VSX1: variants seen among roughly 807,000 people sequenced by gnomAD.
The protein encoded by VSX1 is visual system homeobox 1.
VSX1 carries 23 observed loss-of-function variants against 23.6 expected under a neutral mutation model. The ratio of observed to expected loss-of-function variants is 0.97; its 90% CI spans 0.70 to 1.38. The LOEUF (loss-of-function observed/expected upper bound fraction) is 1.38, where lower values mean the gene tolerates loss of function less well. Ranked by LOEUF, VSX1 falls within the 40% of genes most tolerant of loss-of-function variation. VSX1 has a pLI of 0.00. For missense variants in VSX1, 517 were observed against 495.4 expected (o/e 1.04, Z -0.41); for synonymous variants, 247 against 215.1 (o/e 1.15, Z -1.30).
At chr20:25,073,911 A>G (rs2089434225), downstream of VSX1, among the ~76,000 whole-genome samples, 1 of 152,066 alleles carries the variant, frequency 6.6e-6, no homozygotes, top group Non-Finnish European at 1.5e-5. Context: ...AGCCAGGGAG[A>G]GAGCAGCCCA....
At chr20:25,073,410 C>T (rs779900060), downstream of VSX1, among the ~76,000 whole-genome samples, 1 of 152,092 alleles carries the variant, frequency 6.6e-6, no homozygotes, top group Non-Finnish European at 1.5e-5. Flanking sequence ...CTTAATATCA[C>T]ACACGCACTA....
intron 1 of VSX1, 102 bp from the exon 2 acceptor site, chr20:25,079,616 T>C: frequency 7.7e-7 from 1 of 1,294,214 alleles, no homozygotes; most frequent in South Asian, 1.3e-5. Flanking sequence ...CTTGGGTACT[T>C]AAGTAGTTTA....
intron 1 of VSX1, among the ~76,000 whole-genome samples, chr20:25,081,284 G>A (rs1438790114): frequency 6.6e-6 from 1 of 152,246 alleles, no homozygotes; most frequent in Non-Finnish European, 1.5e-5. Flanking sequence ...CGGTGCTGCT[G>A]GTGACCACCA....
At chr20:25,081,491 G>T (rs2089640897) in intron 1 of VSX1, 182 bp downstream of exon 1, 1 of 927,182 alleles carries the variant, frequency 1.1e-6, no homozygotes, top group Non-Finnish European at 1.8e-6. Flanking sequence ...GATTTAGGAT[G>T]CAGCAAGGGG....
At chr20:25,077,324 C>T (rs1295550730) in intron 4 of VSX1, among the ~76,000 whole-genome samples, 4 of 152,172 alleles carry the variant, frequency 2.6e-5, no homozygotes, top group Non-Finnish European at 5.9e-5. Flanking sequence ...TCAGCACTGC[C>T]CTGTTTCCTA....
intron 3 of VSX1, 125 bp downstream of exon 3, chr20:25,078,703 AC>A: frequency 6.2e-7 from 1 of 1,610,602 alleles, no homozygotes; most frequent in East Asian, 2.2e-5. Flanking sequence ...CAGCTAAGGG[AC>A]CCTCAGTTTC....
chr20:25,077,155 G>C (rs1259553621), intron 4 of VSX1, among the ~76,000 whole-genome samples: 1 of 152,178 alleles, frequency 6.6e-6, no homozygotes, highest in Non-Finnish European at 1.5e-5. Flanking sequence ...CAAGGGTGGA[G>C]CATCCTGAGA....
chr20:25,074,796 T>G (rs946051792), downstream of VSX1, among the ~76,000 whole-genome samples: 10 of 151,946 alleles, frequency 6.6e-5, no homozygotes, highest in African/African-American at 2.4e-4. Context: ...AACCGAGGAG[T>G]AAACATGAGG....
rs763634553 is a variant in VSX1 at position 25,076,563 on chromosome 20, A to AC, written c.809-14_809-13insG. 1 of 1,586,662 alleles carries AC rather than the reference A, an allele frequency of 6.3e-7. No homozygotes were observed. Among genetic ancestry groups the AC allele is most frequent in the South Asian group, 1.2e-5 (1 of 84,206 alleles). ...TTTTTATGCATCCCTTGTAAAAAAA[A>AC]AAATAAAAAGGAAAAAATAAAAATA... On this transcript the variant is annotated splice_polypyrimidine_tract_variant and intron_variant, in intron 4 of 4. Coordinates refer to ENST00000376709, the MANE Select transcript of VSX1 (RefSeq NM_014588.6).
intron 2 of VSX1, 31 bp downstream of exon 2, chr20:25,079,405 G>A: frequency 6.3e-7 from 1 of 1,595,760 alleles, no homozygotes; most frequent in South Asian, 1.1e-5. Flanking sequence ...CCCGAGGAAA[G>A]GCAGGCAGAG....
chr20:25,076,687 G>A (rs1260297100), intron 4 of VSX1, 137 bp from the exon 5 acceptor site: 58 of 1,040,022 alleles, frequency 5.6e-5, no homozygotes, highest in East Asian at 3.1e-4. Context: ...GCCTACAGGA[G>A]AGGCAGGTAG....
chr20:25,080,672 C>T (rs4815368), intron 1 of VSX1, among the ~76,000 whole-genome samples: 44,387 of 152,106 alleles, frequency 0.29, 7,425 homozygotes, highest in African/African-American at 0.44. Context: ...TTGGATTTAG[C>T]TGCCTTTGGT....
chr20:25,079,020 G>A (rs2089578883), intron 2 of VSX1, 68 bp from the exon 3 acceptor site: 8 of 1,597,196 alleles, frequency 5.0e-6, no homozygotes, highest in African/African-American at 2.7e-5. Context: ...CTGGCCTTAA[G>A]GACCACCGTG....
At position 25,078,878 on chromosome 20, in the gene VSX1, G is replaced by A. The variant is rs2089572820; in HGVS notation, c.578C>T (p.Ala193Val). 1.9e-6 allele frequency: 3 copies of A among 1,614,194 alleles called. No individual in the cohort carries two copies. Among genetic ancestry groups the A allele is most frequent in the Non-Finnish European group, 2.5e-6 (3 of 1,180,048 alleles). Residue 193 changes from alanine (A) to valine (V), a missense_variant, in exon 3 of 5, where the codon GCC (alanine) becomes GTC (valine). Physicochemically the swap from Ala to Val is moderately conservative, Grantham distance 64. Transcript: ENST00000376709. Reference protein sequence around the residue: ...FSEAHYPDVYAREMLAVKTEL... With the variant: ...FSEAHYPDVYVREMLAVKTEL... ...AGTTTTCACAGCCAGCATTTCTCGG[G>A]CATACACATCAGGGTAGTGGGCCTC...
At chr20:25,071,687 G>A (rs764905640), downstream of VSX1, 3 of 640,548 alleles carry the variant, frequency 4.7e-6, no homozygotes, top group Non-Finnish European at 8.6e-6. Flanking sequence ...CATGACTGCA[G>A]GTTTATTCTC....
At chr20:25,079,030 G>C in intron 2 of VSX1, 78 bp from the exon 3 acceptor site, 2 of 1,575,130 alleles carry the variant, frequency 1.3e-6, no homozygotes, top group Non-Finnish European at 1.7e-6. Context: ...GGACCACCGT[G>C]CCTGCTTCCT....
Position 25,082,002 on chromosome 20 carries a change from G to T in VSX1, c.95C>A (p.Ala32Asp), listed in dbSNP as rs961645923. The T allele has an allele frequency of 6.5e-7, 1 of 1,534,356 alleles. No individual in the cohort carries two copies. Among genetic ancestry groups the T allele is most frequent in the African/African-American group, 1.4e-5 (1 of 73,060 alleles). ...CTCCAAGCCCAGCAGGTCCGTGATG[G>T]CGAAGCCCCGGGGGCGCGAGCCCCT... ...SPRGSRPRGF[A>D]ITDLLGLEAE... Residue 32 changes from alanine to aspartate, a missense_variant, in exon 1 of 5, where the codon GCC becomes GAC. Ala to Asp is a moderately radical substitution (Grantham distance 126, BLOSUM62 -2). Transcript: ENST00000376709.
rs571064747 is a variant in VSX1, at chr20:25,079,339, C to T, written c.503+97G>A. On this transcript the variant is annotated intron_variant, in intron 2 of 4. Coordinates refer to ENST00000376709, the MANE Select transcript of VSX1 (RefSeq NM_014588.6). ...GCCAACCAGGAAACCACTGGGCCTG[C>T]TATCATGCCGGGCCATAAATTCTCA... 1.0e-4 allele frequency: 129 copies of T among 1,280,146 alleles called. No homozygotes were observed. In the South Asian group the frequency reaches 1.8e-3, roughly 18 times the overall value. The allele number at this position is 1,280,146 out of a possible 1,614,324, so 79.3% of individuals were successfully genotyped here. A position where few individuals can be genotyped will look rare whatever the true frequency, so the allele number is the denominator to read the frequency against.
At chr20:25,081,215 T>G (rs1323653443) in intron 1 of VSX1, among the ~76,000 whole-genome samples, 1 of 148,570 alleles carries the variant, frequency 6.7e-6, no homozygotes, top group African/African-American at 2.5e-5. Context: ...CCCCGTACTC[T>G]TCCAGGACCC....
Sources: gnomAD v4.1 joint callset for allele counts (sites outside exome capture counted in the v4.1 genomes callset) on GRCh38, gnomAD v4.1.1 for gene constraint, MANE v1.5 for transcripts, NCBI Gene and HGNC (gene_info 2026-07-23, HGNC 2026-07-21) for gene names.